The following CCDC126 variants were observed in gnomAD, a reference collection of about 807,000 sequenced individuals.
CCDC126 encodes coiled-coil domain-containing protein 126.
CCDC126 carries 5 observed loss-of-function variants against 11.7 expected under a neutral mutation model. That is an observed-to-expected ratio of 0.43 (90% CI 0.22 to 0.90). The LOEUF is 0.90. CCDC126 is among the 40% of genes least tolerant of loss of function. The probability of loss-of-function intolerance (pLI) is 0.27; values close to 1 mark genes in which losing one functional copy is unlikely to be tolerated. For synonymous variants in CCDC126, 60 were observed against 61.9 expected, an observed-to-expected ratio of 0.97 and a Z score of 0.14; for missense variants, 150 against 163.1, an observed-to-expected ratio of 0.92 and a Z score of 0.44.
chr7:23,641,259 T>C (rs1185216833), intron 3 of CCDC126, among the ~76,000 whole-genome samples: 1 of 152,202 alleles, frequency 6.6e-6, no homozygotes, highest in Non-Finnish European at 1.5e-5. Context: ...TAGTGGCCAG[T>C]GATATTGAAC....
At chr7:23,610,834 T>A (rs1782699353) in intron 2 of CCDC126, among the ~76,000 whole-genome samples, 1 of 152,100 alleles carries the variant, frequency 6.6e-6, no homozygotes, top group African/African-American at 2.4e-5. Flanking sequence ...GGCATTTAGG[T>A]TGGTGACACG....
chr7:23,638,726 T>TAAAAAAAA (rs1783291366), intron 3 of CCDC126, among the ~76,000 whole-genome samples: 1 of 39,214 alleles, frequency 2.6e-5, no homozygotes, highest in Non-Finnish European at 4.7e-5. Flanking sequence ...AAAAAAAAAA[T>TAAAAAAAA]TAAAAAAAAA....
At chr7:23,625,390 T>C (rs1338084490) in intron 3 of CCDC126, among the ~76,000 whole-genome samples, 3 of 152,180 alleles carry the variant, frequency 2.0e-5, no homozygotes, top group Non-Finnish European at 4.4e-5. Flanking sequence ...TCCAGAATGG[T>C]TCTACCAATT....
chr7:23,635,759 C>T (rs1783197808), intron 3 of CCDC126, among the ~76,000 whole-genome samples: 1 of 152,176 alleles, frequency 6.6e-6, no homozygotes, highest in African/African-American at 2.4e-5. Flanking sequence ...CTAACCCTGA[C>T]TGAAATAAGT....
chr7:23,638,129 C>T (rs1189148521), intron 3 of CCDC126, among the ~76,000 whole-genome samples: 1 of 148,394 alleles, frequency 6.7e-6, no homozygotes, highest in South Asian at 2.2e-4. Context: ...CCGCCCCATC[C>T]GGGAGGAGAG....
At chr7:23,639,315 C>T (rs1346725594) in intron 3 of CCDC126, among the ~76,000 whole-genome samples, 2 of 151,980 alleles carry the variant, frequency 1.3e-5, no homozygotes, top group Non-Finnish European at 2.9e-5. Context: ...CTTCAGCCTC[C>T]CGAGTAGCTG....
At chr7:23,636,327 CTGGGA>C (rs1455698505) in intron 3 of CCDC126, among the ~76,000 whole-genome samples, 1 of 149,960 alleles carries the variant, frequency 6.7e-6, no homozygotes, top group Non-Finnish European at 1.5e-5. Flanking sequence ...CCCCCATCGT[CTGGGA>C]TATGAGGAGC....
chr7:23,611,701 T>C, intron 3 of CCDC126, 148 bp downstream of exon 3: 4 of 632,984 alleles, frequency 6.3e-6, no homozygotes, highest in Non-Finnish European at 1.1e-5. Flanking sequence ...TACTGAAAAA[T>C]AGAGATACTA....
chr7:23,636,110 C>T (rs1296295958), intron 3 of CCDC126, among the ~76,000 whole-genome samples: 1 of 152,186 alleles, frequency 6.6e-6, no homozygotes, highest in Admixed American at 6.5e-5. Context: ...GAGTGATCCG[C>T]CAGCCTCGGC....
At chr7:23,637,955 G>A (rs1783268832) in intron 3 of CCDC126, among the ~76,000 whole-genome samples, 1 of 130,970 alleles carries the variant, frequency 7.6e-6, no homozygotes, top group Non-Finnish European at 1.7e-5. Context: ...GCCCCGTCCG[G>A]GAGGGAGGTG....
intron 3 of CCDC126, among the ~76,000 whole-genome samples, chr7:23,620,939 T>G (rs1044150982): frequency 6.6e-5 from 10 of 152,216 alleles, no homozygotes; most frequent in Admixed American, 3.3e-4. Context: ...TTGGTATGTA[T>G]CTCTGTTTTG....
chr7:23,599,478 CTA>C (rs1782494129), intron 2 of CCDC126, among the ~76,000 whole-genome samples: 2 of 151,178 alleles, frequency 1.3e-5, no homozygotes, highest in Non-Finnish European at 2.9e-5. Flanking sequence ...TAGTGTGTGT[CTA>C]TGTATATGTA....
chr7:23,613,218 G>T (rs1218567365), intron 3 of CCDC126, among the ~76,000 whole-genome samples: 3 of 152,178 alleles, frequency 2.0e-5, no homozygotes, highest in Non-Finnish European at 2.9e-5. Flanking sequence ...GGTTCAGGTG[G>T]GACAACTGCT....
At chr7:23,642,078 C>G (rs1288559013) in intron 3 of CCDC126, among the ~76,000 whole-genome samples, 2 of 152,200 alleles carry the variant, frequency 1.3e-5, no homozygotes, top group Admixed American at 6.5e-5. Context: ...GTGGCGCTAT[C>G]TCTGCTCACT....
intron 3 of CCDC126, among the ~76,000 whole-genome samples, chr7:23,637,756 G>A (rs1783261190): frequency 4.1e-5 from 3 of 73,170 alleles, no homozygotes; most frequent in African/African-American, 9.3e-5. Flanking sequence ...GAGGTGAGGG[G>A]CGCCTCTGCC....
At chr7:23,619,553 A>G (rs1782854024) in intron 3 of CCDC126, 3 of 265,128 alleles carry the variant, frequency 1.1e-5, no homozygotes, top group Admixed American at 3.8e-5. Flanking sequence ...GTTGATACCA[A>G]CTTTATTTAT....
At chr7:23,611,150 T>C (rs1296191989) in intron 2 of CCDC126, 21 bp from the exon 3 acceptor site, 3 of 578,196 alleles carry the variant, frequency 5.2e-6, no homozygotes, top group South Asian at 4.3e-5. Context: ...ACTAATACTG[T>C]TTTTCTTCTT....
At chr7:23,600,552 T>C (rs1782522967) in intron 2 of CCDC126, among the ~76,000 whole-genome samples, 1 of 152,182 alleles carries the variant, frequency 6.6e-6, no homozygotes, top group African/African-American at 2.4e-5. Context: ...ATACTGTGTC[T>C]TTTTGTAGTA....
intron 2 of CCDC126, among the ~76,000 whole-genome samples, chr7:23,602,921 C>A (rs1222927910): frequency 6.6e-6 from 1 of 152,094 alleles, no homozygotes; most frequent in Non-Finnish European, 1.5e-5. Context: ...TCTTGCTTTA[C>A]CTTTCACATC....
Sources: gnomAD v4.1 joint callset for allele counts (sites outside exome capture counted in the v4.1 genomes callset) on GRCh38, gnomAD v4.1.1 for gene constraint, MANE v1.5 for transcripts, NCBI Gene and HGNC (gene_info 2026-07-23, HGNC 2026-07-21) for gene names.